The following CHD6 variants were observed in gnomAD, a reference collection of about 807,000 sequenced individuals.
The protein encoded by CHD6 is ATP-dependent chromatin remodeler CHD6.
A neutral mutation model predicts 276.9 loss-of-function variants in CHD6; 50 were observed. That is an observed-to-expected ratio of 0.18 (90% CI 0.14 to 0.23). CHD6 has a LOEUF of 0.23. CHD6 is among the 10% of genes least tolerant of loss of function. The pLI is 1.00. For missense variants in CHD6, 2,564 were observed against 3,365.8 expected, an observed-to-expected ratio of 0.76 and a Z score of 5.89; for synonymous variants, 1,173 against 1,229.3, an observed-to-expected ratio of 0.95 and a Z score of 0.96.
intron 1 of CHD6, among the ~76,000 whole-genome samples, chr20:41,574,277 G>GT (rs1290031640): frequency 1.3e-5 from 2 of 152,102 alleles, no homozygotes; most frequent in Non-Finnish European, 2.9e-5. Context: ...AAAGTGAACT[G>GT]TTTTTTCATT....
intron 2 of CHD6, among the ~76,000 whole-genome samples, chr20:41,539,110 G>A (rs548085196): frequency 3.3e-5 from 5 of 152,226 alleles, no homozygotes; most frequent in African/African-American, 4.8e-5. Context: ...ATGGTTAACC[G>A]CCTGGACCCT....
At chr20:41,586,862 T>C (rs1027427047) in intron 1 of CHD6, among the ~76,000 whole-genome samples, 26 of 152,182 alleles carry the variant, frequency 1.7e-4, no homozygotes, top group African/African-American at 5.8e-4. Context: ...AAAAAACGTA[T>C]AGTTAATGTG....
chr20:41,552,595 G>A (rs2045162912), intron 1 of CHD6, among the ~76,000 whole-genome samples: 2 of 152,160 alleles, frequency 1.3e-5, no homozygotes, highest in African/African-American at 4.8e-5. Flanking sequence ...TAAGTTCATG[G>A]CATGTTGGAC....
At chr20:41,558,387 C>T (rs964784807) in intron 1 of CHD6, among the ~76,000 whole-genome samples, 3 of 152,222 alleles carry the variant, frequency 2.0e-5, no homozygotes, top group African/African-American at 7.2e-5. Flanking sequence ...ATGGCGTCTG[C>T]CACATGGTGA....
At chr20:41,494,629 C>T (rs904340802) in intron 8 of CHD6, among the ~76,000 whole-genome samples, 3 of 152,148 alleles carry the variant, frequency 2.0e-5, no homozygotes, top group African/African-American at 2.4e-5. Flanking sequence ...ACCAAGTTGA[C>T]GGAGCTATGT....
intron 27 of CHD6, among the ~76,000 whole-genome samples, chr20:41,434,419 G>A (rs911131289): frequency 6.6e-6 from 1 of 152,174 alleles, no homozygotes; most frequent in Admixed American, 6.5e-5. Context: ...TGCCCAGGCT[G>A]GAGTGCAGTG....
At chr20:41,561,661 T>C (rs1178292855) in intron 1 of CHD6, among the ~76,000 whole-genome samples, 1 of 152,162 alleles carries the variant, frequency 6.6e-6, no homozygotes, top group Non-Finnish European at 1.5e-5. Context: ...AAAAATGAGA[T>C]GTAAGTTTTT....
intron 17 of CHD6, among the ~76,000 whole-genome samples, chr20:41,458,002 T>C (rs757087200): frequency 1.3e-5 from 2 of 152,312 alleles, no homozygotes; most frequent in Non-Finnish European, 2.9e-5. Flanking sequence ...TTGTAAAATA[T>C]ATATTATTAT....
Position 41,452,006 on chromosome 20 carries a change from T to C in CHD6, c.3343A>G (p.Ile1115Val). The C allele has an allele frequency of 6.2e-7, 1 of 1,614,054 alleles. No homozygotes were observed. The highest frequency in any genetic ancestry group is 8.5e-7 in the Non-Finnish European group (1 of 1,179,970). The stretch of plus-strand genomic sequence containing the variant: ...CACTTGAATCGGCCATGAGTCAGGA[T>C]GTCCTTCCACCGGCCCCAGCTGACA... ...LIFGWGRWKD[I>V]LTHGRFKWHL... Residue 1115 changes from isoleucine to valine, a missense_variant, in exon 22 of 37, where the codon ATC (isoleucine) becomes GTC (valine). Ile to Val is a conservative substitution (Grantham distance 29, BLOSUM62 3). Coordinates refer to ENST00000373233, the MANE Select transcript of CHD6 (RefSeq NM_032221.5). This position sits in a 1 kb window ranked among gnomAD's most constrained non-coding sequence, Gnocchi z 4.2.
rs779928862 is a variant in CHD6 at position 41,497,517 on chromosome 20, C to A, written c.975-16G>T. On this transcript the variant is annotated splice_polypyrimidine_tract_variant and intron_variant, in intron 7 of 36. Transcript: ENST00000373233. ...TAAGTAGGAACTATCCAAAGACATA[C>A]AAATTGTCAGGCAAGCACATAACTA... 17 of 1,560,028 alleles carry A rather than the reference C, an allele frequency of 1.1e-5. No homozygotes were observed. In the African/African-American group the frequency reaches 1.5e-4, roughly 14 times the overall value.
At chr20:41,468,417 C>G (rs2042979439) in intron 17 of CHD6, among the ~76,000 whole-genome samples, 1 of 152,074 alleles carries the variant, frequency 6.6e-6, no homozygotes, top group South Asian at 2.1e-4. Context: ...GCCCCAACTT[C>G]CATCATTCTT....
At chr20:41,551,222 G>A in intron 2 of CHD6, 83 bp downstream of exon 2, 1 of 885,244 alleles carries the variant, frequency 1.1e-6, no homozygotes, top group South Asian at 1.4e-5. Flanking sequence ...TAAGGGATAA[G>A]CCAACACTGC....
chr20:41,509,882 T>G (rs2044073686), intron 5 of CHD6, among the ~76,000 whole-genome samples: 2 of 152,290 alleles, frequency 1.3e-5, no homozygotes, highest in Middle Eastern at 3.4e-3. Flanking sequence ...AGCAGAGCTG[T>G]GATAACATGC....
chr20:41,499,205 T>C, intron 6 of CHD6, 90 bp downstream of exon 6: 1 of 950,952 alleles, frequency 1.1e-6, no homozygotes, highest in Non-Finnish European at 1.6e-6. Context: ...CAGCCAATAA[T>C]GGTCATTCTA....
chr20:41,540,014 G>C (rs920776986), intron 2 of CHD6, among the ~76,000 whole-genome samples: 10 of 152,246 alleles, frequency 6.6e-5, no homozygotes, highest in African/African-American at 2.4e-4. Flanking sequence ...AGTCTGCAAG[G>C]GCACAGACCA....
intron 1 of CHD6, among the ~76,000 whole-genome samples, chr20:41,603,591 C>T (rs1457468029): frequency 6.6e-6 from 1 of 152,102 alleles, no homozygotes; most frequent in Non-Finnish European, 1.5e-5. Flanking sequence ...TTGGGCTGGG[C>T]ACGGTGGCTC....
At chr20:41,475,444 A>G (rs953120206) in intron 16 of CHD6, among the ~76,000 whole-genome samples, 1 of 152,228 alleles carries the variant, frequency 6.6e-6, no homozygotes, top group African/African-American at 2.4e-5. Context: ...AAGAAGAGAA[A>G]TGGAGAATAC....
intron 5 of CHD6, among the ~76,000 whole-genome samples, chr20:41,503,134 A>T (rs1183055047): frequency 6.6e-6 from 1 of 152,200 alleles, no homozygotes; most frequent in Non-Finnish European, 1.5e-5. Context: ...GAGTTATTCC[A>T]GGGTATCTGA....
intron 1 of CHD6, among the ~76,000 whole-genome samples, chr20:41,574,534 AC>A (rs2045452884): frequency 6.6e-6 from 1 of 152,196 alleles, no homozygotes; most frequent in South Asian, 2.1e-4. Context: ...AGTAGTATGA[AC>A]CCTCACAAAT....
Sources: gnomAD v4.1 joint callset for allele counts (sites outside exome capture counted in the v4.1 genomes callset) on GRCh38, gnomAD v4.1.1 for gene constraint, Gnocchi (gnomAD v3.1) non-coding constraint, MANE v1.5 for transcripts, NCBI Gene and HGNC (gene_info 2026-07-23, HGNC 2026-07-21) for gene names.